Variants in COL28A1 observed in about 807,000 individuals in gnomAD.
COL28A1 encodes the protein collagen alpha-1(XXVIII) chain.
A neutral mutation model predicts 150.2 loss-of-function variants in COL28A1; 161 were observed. That is an observed-to-expected ratio of 1.07 (90% CI 0.94 to 1.22). COL28A1 has a LOEUF of 1.22. COL28A1 is among the 50% of genes most tolerant of loss of function. The pLI, the probability that COL28A1 is intolerant of heterozygous loss-of-function variation, is 0.00. For missense variants in COL28A1, 1,617 were observed against 1,388.3 expected (o/e 1.16, Z -2.62); for synonymous variants, 552 against 469.7 (o/e 1.18, Z -2.26).
At chr7:7,517,983 T>G in intron 6 of COL28A1, 146 bp from the exon 7 acceptor site, 2 of 896,182 alleles carry the variant, frequency 2.2e-6, no homozygotes, top group Non-Finnish European at 3.0e-6. Context: ...CTATGCAATC[T>G]AGGCAAAAAA....
chr7:7,480,709 A>G (rs1294552634), intron 13 of COL28A1, among the ~76,000 whole-genome samples: 2 of 152,240 alleles, frequency 1.3e-5, no homozygotes, highest in Non-Finnish European at 2.9e-5. Flanking sequence ...CCAAACTTCT[A>G]GCAGGTAAAC....
At chr7:7,374,288 G>A (rs975868428) in intron 31 of COL28A1, among the ~76,000 whole-genome samples, 8 of 151,892 alleles carry the variant, frequency 5.3e-5, no homozygotes, top group African/African-American at 1.9e-4. Context: ...TTCAACCATA[G>A]CCTTATGTGA....
intron 33 of COL28A1, among the ~76,000 whole-genome samples, chr7:7,363,633 A>C (rs989626092): frequency 3.9e-5 from 6 of 152,140 alleles, no homozygotes; most frequent in African/African-American, 1.2e-4. Context: ...GTTGGCATTC[A>C]GGTATATTTT....
intron 1 of COL28A1, among the ~76,000 whole-genome samples, chr7:7,533,244 A>G (rs1051048190): frequency 1.3e-5 from 2 of 152,156 alleles, no homozygotes; most frequent in African/African-American, 2.4e-5. Context: ...CTGTGGTTCA[A>G]TCACAGGGTC....
chr7:7,445,695 T>C (rs1403971926), intron 18 of COL28A1, among the ~76,000 whole-genome samples: 1 of 152,118 alleles, frequency 6.6e-6, no homozygotes, highest in Non-Finnish European at 1.5e-5. Flanking sequence ...ATGGCATTTA[T>C]TAATAGCAAC....
chr7:7,338,375 A>T, the COL28A1 span, among the ~76,000 whole-genome samples: 12 of 152,188 alleles, frequency 7.9e-5, no homozygotes, highest in East Asian at 2.1e-3. Context: ...TTCTGTCAGC[A>T]CTGTTTTGTC....
chr7:7,359,371 A>G (rs1780514570), intron 34 of COL28A1, among the ~76,000 whole-genome samples: 1 of 152,168 alleles, frequency 6.6e-6, no homozygotes, highest in Non-Finnish European at 1.5e-5. Flanking sequence ...AGGACACTAA[A>G]AACGTGATAC....
chr7:7,392,239 C>T (rs1782588283), intron 27 of COL28A1, among the ~76,000 whole-genome samples: 1 of 152,154 alleles, frequency 6.6e-6, no homozygotes, highest in Admixed American at 6.5e-5. Flanking sequence ...ACTTGTGAAG[C>T]TTAGTTTGGC....
the COL28A1 span, among the ~76,000 whole-genome samples, chr7:7,338,766 C>T: frequency 8.5e-5 from 13 of 152,188 alleles, no homozygotes; most frequent in African/African-American, 2.6e-4. Flanking sequence ...TGTAGTTTCT[C>T]CTACCAAGAG....
chr7:7,404,732 A>G (rs1583301467), intron 27 of COL28A1, among the ~76,000 whole-genome samples: 1 of 152,112 alleles, frequency 6.6e-6, no homozygotes, highest in Non-Finnish European at 1.5e-5. Flanking sequence ...ACCTTCTAAC[A>G]TACTATATAA....
At chr7:7,473,845 G>A (rs1788639560) in intron 15 of COL28A1, among the ~76,000 whole-genome samples, 1 of 150,820 alleles carries the variant, frequency 6.6e-6, no homozygotes, top group Non-Finnish European at 1.5e-5. Context: ...TACAGTGTGT[G>A]TGTTTGTTTA....
rs188801338 is a variant in COL28A1, at chr7:7,362,818, T to G, written c.3067-2290A>C. Among the ~76,000 whole-genome samples, 12 of 152,280 alleles carry G rather than the reference T, an allele frequency of 7.9e-5. No individual in the cohort carries two copies. In the East Asian group the frequency reaches 1.2e-3, roughly 15 times the overall value. On this transcript the variant is annotated intron_variant, in intron 33 of 34. Transcript: ENST00000399429. ...GAACTTTTAAAAATAATCATTATAC[T>G]AGAGAATTTAAAGCTAGAGGAAAAC...
chr7:7,371,167 A>G (rs1179175798), intron 32 of COL28A1, among the ~76,000 whole-genome samples: 2 of 152,194 alleles, frequency 1.3e-5, no homozygotes, highest in Non-Finnish European at 2.9e-5. Flanking sequence ...CTCACCCATA[A>G]TAAGTTGAAT....
At chr7:7,407,831 A>G (rs2128302431) in intron 27 of COL28A1, among the ~76,000 whole-genome samples, 1 of 152,274 alleles carries the variant, frequency 6.6e-6, no homozygotes, top group East Asian at 1.9e-4. Context: ...ACTGATTAAA[A>G]TGTAAAACAA....
chr7:7,383,666 T>TTGTGTGTGTG (rs746358688), intron 27 of COL28A1, among the ~76,000 whole-genome samples: 28 of 107,370 alleles, frequency 2.6e-4, no homozygotes, highest in African/African-American at 7.8e-4. Context: ...TATTTGAAAT[T>TTGTGTGTGTG]TGTGTGTGTG....
intron 11 of COL28A1, among the ~76,000 whole-genome samples, chr7:7,498,987 C>A (rs74344337): frequency 6.6e-6 from 1 of 152,110 alleles, no homozygotes; most frequent in African/African-American, 2.4e-5. Flanking sequence ...GAATAGAAAT[C>A]ATCTACCTTG....
At chr7:7,437,524 T>C in intron 21 of COL28A1, 62 bp from the exon 22 acceptor site, 1 of 1,563,640 alleles carries the variant, frequency 6.4e-7, no homozygotes, top group Admixed American at 2.0e-5. Flanking sequence ...GAGACAATAT[T>C]AAGAAAAGTA....
At position 7,383,281 on chromosome 7, in the gene COL28A1, TG is replaced by T. The variant is rs1562512255; in HGVS notation, c.2137-1670del. On this transcript the variant is annotated intron_variant, in intron 27 of 34. Coordinates refer to ENST00000399429, the MANE Select transcript of COL28A1 (RefSeq NM_001037763.3). The stretch of plus-strand genomic sequence containing the variant: ...GTGTGTGTGTGTGTGTGTGTGTGTG[TG>T]TGTGTGTTTTTTTTGAGACAGAGTC... Among the ~76,000 whole-genome samples the T allele has an allele frequency of 5.8e-3, 796 of 138,054 alleles. 8 individuals are homozygous for T. The highest frequency in any genetic ancestry group is 0.024 in the African/African-American group (758 of 32,186). The allele number at this position is 138,054 out of a possible 152,430, so 90.6% of individuals were successfully genotyped here. A position where few individuals can be genotyped will look rare whatever the true frequency, so the allele number is the denominator to read the frequency against.
At chr7:7,366,752 A>G (rs1256168455) in intron 33 of COL28A1, among the ~76,000 whole-genome samples, 2 of 152,234 alleles carry the variant, frequency 1.3e-5, no homozygotes, top group Non-Finnish European at 2.9e-5. Context: ...GAAAAGGAAG[A>G]GACAACAAAA....
Sources: gnomAD v4.1 joint callset for allele counts (sites outside exome capture counted in the v4.1 genomes callset) on GRCh38, gnomAD v4.1.1 for gene constraint, MANE v1.5 for transcripts, NCBI Gene and HGNC (gene_info 2026-07-23, HGNC 2026-07-21) for gene names.